NRG1: variants seen among roughly 807,000 people sequenced by gnomAD.
The protein encoded by NRG1 is neuregulin 1.
Under a neutral mutation model 63.8 loss-of-function variants are expected in NRG1, and 18 were observed. The observed-to-expected ratio is 0.28, with a 90% CI of 0.19 to 0.42. The LOEUF is 0.42. NRG1 is among the 10% of genes least tolerant of loss of function. The pLI is 1.00. For missense variants in NRG1, 762 were observed against 814.7 expected, an observed-to-expected ratio of 0.94 and a Z score of 0.79; for synonymous variants, 302 against 301.3, an observed-to-expected ratio of 1.00 and a Z score of -0.02.
intron 1 of NRG1, among the ~76,000 whole-genome samples, chr8:32,423,905 T>C (rs1376072588): frequency 6.6e-6 from 1 of 152,188 alleles, no homozygotes; most frequent in Non-Finnish European, 1.5e-5. Context: ...CATATTTTCC[T>C]CAAATTCCTT....
At chr8:31,727,802 C>T (rs1223986917) in intron 1 of NRG1, among the ~76,000 whole-genome samples, 1 of 152,044 alleles carries the variant, frequency 6.6e-6, no homozygotes, top group Non-Finnish European at 1.5e-5. Flanking sequence ...AAATTAGGCA[C>T]AGTAGGAGAT....
At chr8:32,564,106 C>T (rs918620118) in intron 1 of NRG1, among the ~76,000 whole-genome samples, 1 of 151,962 alleles carries the variant, frequency 6.6e-6, no homozygotes, top group Non-Finnish European at 1.5e-5. Context: ...TCAGAGTCAC[C>T]GAGTCCCACA....
chr8:31,904,422 G>A (rs554576855), intron 1 of NRG1, among the ~76,000 whole-genome samples: 1 of 152,296 alleles, frequency 6.6e-6, no homozygotes, highest in East Asian at 1.9e-4. Context: ...AGATAAAAGA[G>A]CATACAAATT....
chr8:31,789,255 A>T (rs1334503125), intron 1 of NRG1, among the ~76,000 whole-genome samples: 3 of 152,228 alleles, frequency 2.0e-5, no homozygotes, highest in Non-Finnish European at 4.4e-5. Context: ...CATTGGAGAA[A>T]AAAAGTAGTC....
intron 1 of NRG1, among the ~76,000 whole-genome samples, chr8:31,664,627 A>G (rs558973300): frequency 6.6e-6 from 1 of 152,220 alleles, no homozygotes; most frequent in Non-Finnish European, 1.5e-5. Context: ...TTATAATGAG[A>G]AAATAAATTG....
chr8:32,025,841 G>T (rs1038294811), intron 1 of NRG1, among the ~76,000 whole-genome samples: 1 of 150,802 alleles, frequency 6.6e-6, no homozygotes, highest in Non-Finnish European at 1.5e-5. Flanking sequence ...CCAGCTACTC[G>T]GGGCTGAGGC....
chr8:32,587,175 C>A (rs1392610218), intron 1 of NRG1, among the ~76,000 whole-genome samples: 1 of 151,870 alleles, frequency 6.6e-6, no homozygotes, highest in Non-Finnish European at 1.5e-5. Context: ...CATAACACCA[C>A]TGCATTCTAG....
chr8:31,881,353 C>A (rs57409496), intron 1 of NRG1, among the ~76,000 whole-genome samples: 22,012 of 152,072 alleles, frequency 0.14, 1,996 homozygotes, highest in Non-Finnish European at 0.19. Flanking sequence ...ACAAACCATG[C>A]CCATGTAGGT....
intron 5 of NRG1, among the ~76,000 whole-genome samples, chr8:32,624,460 A>T (rs1456569148): frequency 6.6e-6 from 1 of 152,230 alleles, no homozygotes; most frequent in Non-Finnish European, 1.5e-5. Flanking sequence ...TTGACAACTG[A>T]TAAGCAAACA....
intron 1 of NRG1, among the ~76,000 whole-genome samples, chr8:32,363,012 G>C (rs952762030): frequency 7.2e-5 from 11 of 152,296 alleles, no homozygotes; most frequent in African/African-American, 2.6e-4. Flanking sequence ...CGCATGGGGT[G>C]TGCAATTAAC....
Position 32,764,159 on chromosome 8 carries a change from G to A in NRG1, c.1671G>A (p.Leu557=), listed in dbSNP as rs750248146. ...CCAATGGCCACATTGCTAACAGATT[G>A]GAAGTGGACAGCAACACAAGCTCCC... The change falls in exon 12 of 12, where the codon TTG becomes TTA. Residue 557 remains leucine (L), a synonymous_variant. Coordinates refer to ENST00000356819, the Ensembl canonical transcript of NRG1. The A allele has an allele frequency of 1.8e-5, 29 of 1,614,094 alleles. No individual in the cohort carries two copies. The South Asian group carries it at 3.0e-4, about 16-fold the overall frequency.
intron 11 of NRG1, among the ~76,000 whole-genome samples, chr8:32,762,644 G>T (rs1435452062): frequency 6.6e-6 from 1 of 152,190 alleles, no homozygotes; most frequent in East Asian, 1.9e-4. Context: ...CTGTTAGCAA[G>T]AGTTCAGATG....
At chr8:32,679,825 A>G (rs1277654175) in intron 5 of NRG1, among the ~76,000 whole-genome samples, 2 of 152,240 alleles carry the variant, frequency 1.3e-5, no homozygotes, top group Non-Finnish European at 2.9e-5. Context: ...ACTCATTGTG[A>G]TCAGAATGAA....
intron 1 of NRG1, among the ~76,000 whole-genome samples, chr8:32,209,251 T>C (rs1563911325): frequency 6.6e-6 from 1 of 152,280 alleles, no homozygotes; most frequent in African/African-American, 2.4e-5. Context: ...ATAATCACCA[T>C]TATTTATTTA....
At chr8:32,673,497 ACT>A (rs1806243410) in intron 5 of NRG1, among the ~76,000 whole-genome samples, 1 of 152,108 alleles carries the variant, frequency 6.6e-6, no homozygotes, top group Non-Finnish European at 1.5e-5. Context: ...ACTGTCTTCC[ACT>A]CTTTCCACTT....
In NRG1 at chr8:31,640,804, G is replaced by C. The variant is rs576388518; in HGVS notation, c.37+1373G>C. ...CCCGGGCGCGCGGGCAGCGGGGCTCGACGGCCGCCCGAGCAAGGCAGAGGC... is the reference window on the plus strand; with the variant it reads ...CCCGGGCGCGCGGGCAGCGGGGCTCCACGGCCGCCCGAGCAAGGCAGAGGC... On this transcript the variant is annotated intron_variant, in intron 1 of 10. Transcript: ENST00000519301. The surrounding 1 kb of genome is among the most constrained non-coding windows in gnomAD (Gnocchi z 6.3). 4.1e-4 allele frequency: 580 copies of C among 1,432,000 alleles called. No homozygotes were observed. Among genetic ancestry groups the C allele is most frequent in the Non-Finnish European group, 5.0e-4 (550 of 1,094,070 alleles). The allele number at this position is 1,432,000 out of a possible 1,614,324, so 88.7% of individuals were successfully genotyped here. A position where few individuals can be genotyped will look rare whatever the true frequency, so the allele number is the denominator to read the frequency against.
At chr8:32,374,321 C>G (rs756798887) in intron 1 of NRG1, among the ~76,000 whole-genome samples, 3 of 152,150 alleles carry the variant, frequency 2.0e-5, no homozygotes, top group Non-Finnish European at 2.9e-5. Context: ...AGCTCGCTTT[C>G]AACTGCTGCG....
chr8:31,671,332 A>C (rs1043136049), intron 1 of NRG1, among the ~76,000 whole-genome samples: 1 of 152,214 alleles, frequency 6.6e-6, no homozygotes, highest in Non-Finnish European at 1.5e-5. Flanking sequence ...ATAGAAGATC[A>C]AAACCTTTTT....
intron 1 of NRG1, among the ~76,000 whole-genome samples, chr8:32,571,765 T>G (rs1838636049): frequency 6.6e-6 from 1 of 152,192 alleles, no homozygotes. Flanking sequence ...TGACTTGCAA[T>G]TAAGGTACAA....
Sources: allele counts gnomAD v4.1 joint callset (sites outside exome capture counted in the v4.1 genomes callset), GRCh38; gene constraint gnomAD v4.1.1; non-coding constraint Gnocchi (gnomAD v3.1); transcripts MANE v1.5; gene names NCBI Gene and HGNC (gene_info 2026-07-23, HGNC 2026-07-21).